HIPK2: variants seen among roughly 807,000 people sequenced by gnomAD.
The protein encoded by HIPK2 is homeodomain interacting protein kinase 2, also known as homeodomain-interacting protein kinase 2.
A neutral mutation model predicts 113.7 loss-of-function variants in HIPK2; 27 were observed. The ratio of observed to expected loss-of-function variants is 0.24; its 90% CI spans 0.17 to 0.33. The LOEUF (loss-of-function observed/expected upper bound fraction) is 0.33, where lower values mean the gene tolerates loss of function less well. Ranked by LOEUF, HIPK2 falls within the 10% of genes least tolerant of loss-of-function variation. The pLI is 1.00. For synonymous variants in HIPK2, 631 were observed against 642.2 expected, an observed-to-expected ratio of 0.98 and a Z score of 0.26; for missense variants, 1,257 against 1,588.0, an observed-to-expected ratio of 0.79 and a Z score of 3.54.
intron 2 of HIPK2, among the ~76,000 whole-genome samples, chr7:139,653,139 CAAAAAA>C (rs533809782): frequency 5.3e-5 from 4 of 75,448 alleles, no homozygotes; most frequent in African/African-American, 1.6e-4. Context: ...GACTCTGTCT[CAAAAAA>C]AAAAAAAAAA....
rs779871355 is a variant in HIPK2, at chr7:139,631,755, G to A, written c.1104-30C>T. ...AAAGGAAGAATGGAAGAAACCATTAGCAAGTTGGAAATGCAGGAAGCTGTT... is the reference window on the plus strand; with the variant it reads ...AAAGGAAGAATGGAAGAAACCATTAACAAGTTGGAAATGCAGGAAGCTGTT... On this transcript the variant is annotated intron_variant, in intron 2 of 14. Transcript: ENST00000406875. This position sits in a 1 kb window ranked among gnomAD's most constrained non-coding sequence, Gnocchi z 4.9. The A allele has an allele frequency of 1.2e-6, 2 of 1,600,556 alleles. No individual in the cohort carries two copies. Among genetic ancestry groups the A allele is most frequent in the Admixed American group, 1.8e-5 (1 of 57,112 alleles).
At chr7:139,648,307 A>C (rs1233132451) in intron 2 of HIPK2, among the ~76,000 whole-genome samples, 1 of 152,220 alleles carries the variant, frequency 6.6e-6, no homozygotes, top group Non-Finnish European at 1.5e-5. Flanking sequence ...GTGAAAATCA[A>C]ACAGAAATCT....
chr7:139,690,781 A>G (rs898291518), intron 2 of HIPK2, among the ~76,000 whole-genome samples: 1 of 152,218 alleles, frequency 6.6e-6, no homozygotes, highest in African/African-American at 2.4e-5. Flanking sequence ...ACCTTCAGCC[A>G]TGAGTGGGGG....
intron 7 of HIPK2, 159 bp downstream of exon 7, chr7:139,620,241 TG>T: frequency 3.4e-6 from 2 of 584,630 alleles, no homozygotes; most frequent in Non-Finnish European, 4.3e-6. Flanking sequence ...AAAATGTGCC[TG>T]GGTCCCTCAA....
intron 2 of HIPK2, among the ~76,000 whole-genome samples, chr7:139,686,391 T>C (rs2116744504): frequency 6.6e-6 from 1 of 152,314 alleles, no homozygotes. Context: ...AACAAAGGAT[T>C]TAGAATATTT....
At chr7:139,634,878 A>T (rs1800755448) in intron 2 of HIPK2, among the ~76,000 whole-genome samples, 1 of 151,792 alleles carries the variant, frequency 6.6e-6, no homozygotes, top group Non-Finnish European at 1.5e-5. Flanking sequence ...GGTTTTCACC[A>T]TGTTGGCCAG....
intron 1 of HIPK2, among the ~76,000 whole-genome samples, chr7:139,719,972 C>T (rs747349434): frequency 3.3e-4 from 51 of 152,242 alleles, no homozygotes; most frequent in Admixed American, 6.5e-4. Flanking sequence ...CAAACTTCCA[C>T]TGGCTCCTTA....
rs542509531 is a variant in HIPK2, at chr7:139,723,607, A to G, written c.20-6592T>C. On this transcript the variant is annotated intron_variant, in intron 1 of 14. Transcript: ENST00000406875. ...TAACTTTATATTTCACAATTAGATG[A>G]ACTGAAAAGTTGCTTCATATCTGAG... Among the ~76,000 whole-genome samples, 13 of 152,326 alleles carry G rather than the reference A, an allele frequency of 8.5e-5. 1 individual carries two copies. The East Asian group carries it at 2.5e-3, about 29-fold the overall frequency.
chr7:139,646,404 G>A (rs1330802350), intron 2 of HIPK2, among the ~76,000 whole-genome samples: 1 of 151,592 alleles, frequency 6.6e-6, no homozygotes, highest in East Asian at 1.9e-4. Context: ...GGAGGCTGAG[G>A]TAAGAGGATG....
At chr7:139,676,857 T>A (rs199719027) in intron 2 of HIPK2, among the ~76,000 whole-genome samples, 9 of 102,010 alleles carry the variant, frequency 8.8e-5, no homozygotes, top group Non-Finnish European at 7.0e-5. Context: ...TATTTCTTTT[T>A]TTCTTTTTCT....
chr7:139,760,559 G>C, intron 1 of HIPK2, among the ~76,000 whole-genome samples: 1 of 152,060 alleles, frequency 6.6e-6, no homozygotes, highest in Admixed American at 6.5e-5. Flanking sequence ...TTCCTCTGTA[G>C]TTCCATATTG....
In HIPK2 at chr7:139,572,981, G is replaced by C. The variant is rs367777286; in HGVS notation, c.3543C>G (p.Val1181=). 1.3e-6 allele frequency: 2 copies of C among 1,535,498 alleles called. No individual in the cohort carries two copies. The highest frequency in any genetic ancestry group is 2.8e-5 in the African/African-American group (2 of 71,900). The stretch of plus-strand genomic sequence containing the variant: ...CGGGGCTCAGTGGGTATCCAGTGTA[G>C]ACGGTGGAGGCTGGCGAGGCGCTGA... The part of the protein sequence containing the change: ...TYISASPAST[V]YTGYPLSPAK... Residue 1181 remains valine, a synonymous_variant, in exon 15 of 15, where the codon GTC becomes GTG. Transcript: ENST00000406875.
At chr7:139,576,382 T>TG (rs1479681238) in intron 13 of HIPK2, among the ~76,000 whole-genome samples, 2 of 152,180 alleles carry the variant, frequency 1.3e-5, no homozygotes, top group African/African-American at 2.4e-5. Context: ...CCAGCAGCTC[T>TG]GGGGGGCCCG....
At chr7:139,587,186 T>C (rs1798860076) in intron 12 of HIPK2, among the ~76,000 whole-genome samples, 1 of 152,058 alleles carries the variant, frequency 6.6e-6, no homozygotes, top group Non-Finnish European at 1.5e-5. Context: ...ATGAATTCTA[T>C]CTCCATCAAA....
intron 6 of HIPK2, among the ~76,000 whole-genome samples, chr7:139,623,718 T>C (rs967799312): frequency 6.6e-6 from 1 of 152,030 alleles, no homozygotes; most frequent in African/African-American, 2.4e-5. Flanking sequence ...GGCCCCACTA[T>C]CCATGGTGGT....
intron 2 of HIPK2, among the ~76,000 whole-genome samples, chr7:139,651,187 G>A (rs1481045571): frequency 6.6e-6 from 1 of 152,034 alleles, no homozygotes; most frequent in African/African-American, 2.4e-5. Context: ...TGCCCTGATG[G>A]GAACCAATGA....
At chr7:139,598,794 G>C (rs1421232084) in intron 11 of HIPK2, among the ~76,000 whole-genome samples, 3 of 152,242 alleles carry the variant, frequency 2.0e-5, no homozygotes, top group African/African-American at 7.2e-5. Context: ...TCCTGGGACA[G>C]AGTAGTGCTC....
At position 139,566,578 on chromosome 7, in the gene HIPK2, G is replaced by A. The variant is rs895624441; in HGVS notation, c.*6349C>T. 1 of 152,168 alleles carries A rather than the reference G, an allele frequency of 6.6e-6. No individual in the cohort carries two copies. The highest frequency in any genetic ancestry group is 1.9e-4 in the East Asian group (1 of 5,192). 9.4% of individuals were successfully genotyped at this position (152,168 alleles called of 1,614,324 possible). A position where few individuals can be genotyped will look rare whatever the true frequency, so the allele number is the denominator to read the frequency against. ...AAAAAAGGGAACCTTGGGGATTCTGGCCCATCACTGCTTTATCCTTCCTTC... is the reference window on the plus strand; with the variant it reads ...AAAAAAGGGAACCTTGGGGATTCTGACCCATCACTGCTTTATCCTTCCTTC... On this transcript the variant is annotated 3_prime_UTR_variant, in exon 15 of 15. Transcript: ENST00000406875. The surrounding 1 kb of genome is among the most constrained non-coding windows in gnomAD (Gnocchi z 4.1).
In HIPK2 at chr7:139,573,415, CAAGA is replaced by C; in HGVS notation, c.3127-22_3127-19del. The C allele has an allele frequency of 1.9e-6, 3 of 1,598,636 alleles. No individual in the cohort carries two copies. Among genetic ancestry groups the C allele is most frequent in the Non-Finnish European group, 2.5e-6 (3 of 1,178,762 alleles). ...TGCTGAGCCTGGGGAGGAGAGGCAC[CAAGA>C]GAGACGTCAGGGGCCGACACATGGG... On this transcript the variant is annotated intron_variant, in intron 14 of 14. Transcript: ENST00000406875.
Sources: gnomAD v4.1 joint callset for allele counts (sites outside exome capture counted in the v4.1 genomes callset) on GRCh38, gnomAD v4.1.1 for gene constraint, Gnocchi (gnomAD v3.1) non-coding constraint, MANE v1.5 for transcripts, NCBI Gene and HGNC (gene_info 2026-07-23, HGNC 2026-07-21) for gene names.